OPHN1: variants seen among roughly 807,000 people sequenced by gnomAD.
The protein encoded by OPHN1 is oligophrenin-1.
A neutral mutation model predicts 60.7 loss-of-function variants in OPHN1; 11 were observed. The ratio of observed to expected loss-of-function variants is 0.18; its 90% confidence interval spans 0.11 to 0.30. The LOEUF (loss-of-function observed/expected upper bound fraction) is 0.30, where lower values mean the gene tolerates loss of function less well. OPHN1 is among the 10% of genes least tolerant of loss of function. The pLI is 1.00. For missense variants in OPHN1, 449 were observed against 611.0 expected (o/e 0.73, Z 2.80); for synonymous variants, 226 against 222.6 (o/e 1.02, Z -0.14).
chrX:68,194,996 G>GAGAA (rs1384796199), intron 12 of OPHN1, among the ~76,000 whole-genome samples: 3 of 64,253 alleles, frequency 4.7e-5, no homozygotes, highest in Non-Finnish European at 9.2e-5. Context: ...AAGAGAGAGA[G>GAGAA]AGAAAGAAAG....
rs750504146 is a variant in OPHN1, at chrX:68,063,841, C to T, written c.2158+13G>A. 2 of 1,149,237 alleles carry T rather than the reference C, an allele frequency of 1.7e-6. No homozygotes were observed. The highest frequency in any genetic ancestry group is 4.0e-5 in the South Asian group (2 of 49,694). The allele number at this position is 1,149,237 out of a possible 1,213,427, so 94.7% of individuals were successfully genotyped here. On this transcript the variant is annotated intron_variant, in intron 21 of 24. Coordinates refer to ENST00000355520, the MANE Select transcript of OPHN1 (RefSeq NM_002547.3). The stretch of plus-strand genomic sequence containing the variant: ...GGTCAGCTCTGGCTCCCATGGGATT[C>T]CCAAGCACTTACCCTCCTTGTGGTG...
chrX:68,277,817 G>A (rs1297279763), intron 4 of OPHN1, among the ~76,000 whole-genome samples: 1 of 111,643 alleles, frequency 9.0e-6, no homozygotes, highest in Non-Finnish European at 1.9e-5. Context: ...ATAAATAAAT[G>A]TAATACCTAA....
chrX:68,329,393 C>A (rs1318482131), intron 2 of OPHN1, among the ~76,000 whole-genome samples: 1 of 112,260 alleles, frequency 8.9e-6, no homozygotes, highest in Non-Finnish European at 1.9e-5. Flanking sequence ...TAAGGATGTT[C>A]ATTGGCATAT....
intron 6 of OPHN1, among the ~76,000 whole-genome samples, chrX:68,216,952 G>A (rs200460905): frequency 5.4e-5 from 6 of 112,021 alleles, no homozygotes; most frequent in Admixed American, 9.4e-5. Context: ...GAACAGCTCC[G>A]GTCTACAGCT....
intron 2 of OPHN1, among the ~76,000 whole-genome samples, chrX:68,386,848 C>A (rs1373089843): frequency 8.9e-6 from 1 of 112,274 alleles, no homozygotes; most frequent in African/African-American, 3.2e-5. Context: ...CAGACCTACA[C>A]AGCCCTTGCT....
intron 11 of OPHN1, among the ~76,000 whole-genome samples, chrX:68,200,949 A>G (rs925005546): frequency 1.8e-5 from 2 of 112,199 alleles, no homozygotes; most frequent in Non-Finnish European, 3.8e-5. Flanking sequence ...TCTCCACAAT[A>G]ATGCCAAATG....
rs763799217 is a variant in OPHN1, at chrX:68,159,992, A to C, written c.1276+32927T>G. On this transcript the variant is annotated intron_variant, in intron 15 of 24. Transcript: ENST00000355520. ...CAAAAGGCACATATTTTCAGACTGGAAAATTAAAAAAAAAAACAAGATCCA... is the reference window on the plus strand; with the variant it reads ...CAAAAGGCACATATTTTCAGACTGGCAAATTAAAAAAAAAAACAAGATCCA... Among the ~76,000 whole-genome samples, 30 of 99,795 alleles carry C rather than the reference A, an allele frequency of 3.0e-4. No individual in the cohort carries two copies. The South Asian group carries it at 0.013, about 44-fold the overall frequency. 86.7% of individuals were successfully genotyped at this position (99,795 alleles called of 115,157 possible). A position where few individuals can be genotyped will look rare whatever the true frequency, so the allele number is the denominator to read the frequency against.
Position 68,075,618 on chromosome X carries a change from T to C in OPHN1, c.1687-2319A>G, listed in dbSNP as rs970266439. 9.9e-5 allele frequency among the ~76,000 whole-genome samples: 11 copies of C among 110,786 alleles called. No homozygotes were observed. In the South Asian group the frequency reaches 1.5e-3, roughly 15 times the overall value. ...TATAAAGCTACAACAATTAAGACAG[T>C]GTGGCACTGATGTCAAGATAGGTGA... On this transcript the variant is annotated intron_variant, in intron 19 of 24. Transcript: ENST00000355520.
At chrX:68,120,037 C>T (rs2077144168) in intron 15 of OPHN1, among the ~76,000 whole-genome samples, 1 of 111,445 alleles carries the variant, frequency 9.0e-6, no homozygotes, top group South Asian at 3.7e-4. Flanking sequence ...ATACCGAATT[C>T]CAGACCCAAT....
chrX:68,427,732 C>T (rs970177829), intron 2 of OPHN1, among the ~76,000 whole-genome samples: 1 of 109,858 alleles, frequency 9.1e-6, no homozygotes, highest in Non-Finnish European at 1.9e-5. Flanking sequence ...CCATTAGAGT[C>T]CAAGAGCCAG....
intron 6 of OPHN1, among the ~76,000 whole-genome samples, chrX:68,222,086 A>C (rs1248634439): frequency 2.4e-4 from 26 of 108,303 alleles, no homozygotes; most frequent in Admixed American, 7.9e-4. Context: ...TTACAAGAAA[A>C]AAACAAACAA....
intron 2 of OPHN1, among the ~76,000 whole-genome samples, chrX:68,422,622 AAG>A (rs1398573768): frequency 1.0e-5 from 1 of 98,639 alleles, no homozygotes; most frequent in African/African-American, 3.9e-5. Context: ...GAGAGAGAGA[AAG>A]AAAGAAAAAG....
intron 5 of OPHN1, among the ~76,000 whole-genome samples, chrX:68,248,598 C>T (rs914364550): frequency 8.9e-6 from 1 of 111,964 alleles, no homozygotes; most frequent in African/African-American, 3.2e-5. Flanking sequence ...TGGGTACATA[C>T]CCCAAAGAAA....
chrX:68,396,678 G>A (rs2078686442), intron 2 of OPHN1, among the ~76,000 whole-genome samples: 1 of 110,220 alleles, frequency 9.1e-6, no homozygotes. Context: ...AGCCGGGCAT[G>A]GTGGTACGTG....
intron 15 of OPHN1, among the ~76,000 whole-genome samples, chrX:68,181,421 TGTAA>T (rs1305687553): frequency 1.8e-5 from 2 of 111,602 alleles, no homozygotes; most frequent in Non-Finnish European, 3.8e-5. Flanking sequence ...TTTTTCTTAG[TGTAA>T]GTGTGTCCTA....
At chrX:68,241,983 C>A (rs1380890608) in intron 5 of OPHN1, among the ~76,000 whole-genome samples, 1 of 110,568 alleles carries the variant, frequency 9.0e-6, no homozygotes, top group Non-Finnish European at 1.9e-5. Context: ...GACATATGGC[C>A]ATATCACAAG....
At chrX:68,116,620 T>A (rs2077128319) in intron 16 of OPHN1, among the ~76,000 whole-genome samples, 1 of 111,770 alleles carries the variant, frequency 8.9e-6, no homozygotes, top group Admixed American at 9.5e-5. Flanking sequence ...AACTCATCAC[T>A]GAGTTTCAGA....
At chrX:68,336,780 G>A (rs920477808) in intron 2 of OPHN1, among the ~76,000 whole-genome samples, 33 of 109,845 alleles carry the variant, frequency 3.0e-4, no homozygotes, top group Admixed American at 2.5e-3. Flanking sequence ...TGGGCCAGGC[G>A]TGGTGGCTCA....
rs1248211068 is a variant in OPHN1 at position 68,043,636 on chromosome X, A to G, written c.*3536T>C. 8.9e-6 allele frequency: 1 copy of G among 112,031 alleles called. No individual in the cohort carries two copies. Among genetic ancestry groups the G allele is most frequent in the Non-Finnish European group, 1.9e-5 (1 of 53,235 alleles). The allele number at this position is 112,031 out of a possible 1,213,427, so 9.2% of individuals were successfully genotyped here. A position where few individuals can be genotyped will look rare whatever the true frequency, so the allele number is the denominator to read the frequency against. On this transcript the variant is annotated 3_prime_UTR_variant, in exon 25 of 25. Transcript: ENST00000355520. ...AGAGAATACTTTCCCATGATAACCA[A>G]TTACTTTAGAAATACTCTGCATGAC... is the stretch of plus-strand genomic sequence containing the variant.
Sources: gnomAD v4.1 joint callset for allele counts (sites outside exome capture counted in the v4.1 genomes callset) on GRCh38, gnomAD v4.1.1 for gene constraint, MANE v1.5 for transcripts, NCBI Gene and HGNC (gene_info 2026-07-23, HGNC 2026-07-21) for gene names.